TTC39B: variants seen among roughly 807,000 people sequenced by gnomAD.
TTC39B encodes the protein tetratricopeptide repeat domain 39B.
A neutral mutation model predicts 96.6 loss-of-function variants in TTC39B; 92 were observed. The observed-to-expected ratio is 0.95, with a 90% CI of 0.80 to 1.13. The LOEUF (loss-of-function observed/expected upper bound fraction) is 1.13, where lower values mean the gene tolerates loss of function less well. Ranked by LOEUF, TTC39B falls within the 50% of genes most tolerant of loss-of-function variation. TTC39B has a pLI of 0.00. For missense variants in TTC39B, 955 were observed against 809.3 expected, an observed-to-expected ratio of 1.18 and a Z score of -2.18; for synonymous variants, 367 against 299.4, an observed-to-expected ratio of 1.23 and a Z score of -2.33.
At chr9:15,298,319 G>C (rs1824455258) in intron 1 of TTC39B, among the ~76,000 whole-genome samples, 2 of 152,172 alleles carry the variant, frequency 1.3e-5, no homozygotes, top group African/African-American at 4.8e-5. Context: ...CTTGCAGACA[G>C]CATATGGTAG....
At chr9:15,201,938 G>T (rs1416403483) in intron 7 of TTC39B, among the ~76,000 whole-genome samples, 3 of 152,200 alleles carry the variant, frequency 2.0e-5, no homozygotes, top group African/African-American at 7.2e-5. Flanking sequence ...ACCCTCAACT[G>T]CAGAATAGGG....
At chr9:15,252,968 C>G (rs1026812464) in intron 2 of TTC39B, among the ~76,000 whole-genome samples, 1 of 152,172 alleles carries the variant, frequency 6.6e-6, no homozygotes, top group African/African-American at 2.4e-5. Context: ...ATAAAAGGAA[C>G]TTTTCGAAAA....
chr9:15,292,714 T>TA (rs1032916096), intron 1 of TTC39B, among the ~76,000 whole-genome samples: 1 of 152,088 alleles, frequency 6.6e-6, no homozygotes, highest in Non-Finnish European at 1.5e-5. Flanking sequence ...TCTTAGTTCT[T>TA]AAAAAAAGTT....
At chr9:15,207,660 G>T (rs1819941002) in intron 6 of TTC39B, among the ~76,000 whole-genome samples, 1 of 152,122 alleles carries the variant, frequency 6.6e-6, no homozygotes, top group African/African-American at 2.4e-5. Context: ...AACAAGGACA[G>T]TATATAGCAC....
exon 20 of TTC39B, chr9:15,171,629 G>A (rs1817663599): frequency 6.5e-6 from 1 of 153,118 alleles, no homozygotes; most frequent in Non-Finnish European, 1.5e-5. Context: ...TATCTCTGAA[G>A]TTTAACTACC....
At chr9:15,164,855 G>A (rs1221435085) in exon 20 of TTC39B, 1 of 152,112 alleles carries the variant, frequency 6.6e-6, no homozygotes, top group Non-Finnish European at 1.5e-5. Flanking sequence ...AAACACATAT[G>A]TTCTCCTTCT....
At chr9:15,305,757 A>C (rs1255263594) in intron 1 of TTC39B, among the ~76,000 whole-genome samples, 1 of 150,932 alleles carries the variant, frequency 6.6e-6, no homozygotes, top group Non-Finnish European at 1.5e-5. Context: ...AGTATCTCCG[A>C]AACAGTCCCA....
At chr9:15,298,528 G>A (rs550275592) in intron 1 of TTC39B, among the ~76,000 whole-genome samples, 4 of 152,190 alleles carry the variant, frequency 2.6e-5, no homozygotes, top group South Asian at 2.1e-4. Context: ...GAGTGTGTGC[G>A]GGGAAACTGC....
intron 8 of TTC39B, among the ~76,000 whole-genome samples, chr9:15,194,537 A>G (rs1278192036): frequency 6.6e-6 from 1 of 152,182 alleles, no homozygotes; most frequent in African/African-American, 2.4e-5. Context: ...TGATATGTAA[A>G]GGCATACCTT....
intron 2 of TTC39B, among the ~76,000 whole-genome samples, chr9:15,261,904 A>C (rs1253360082): frequency 2.6e-5 from 4 of 152,214 alleles, no homozygotes; most frequent in African/African-American, 9.6e-5. Context: ...CTCCGTCATC[A>C]GAGCACTAGA....
At chr9:15,195,532 C>T (rs746210784) in intron 8 of TTC39B, among the ~76,000 whole-genome samples, 4 of 151,662 alleles carry the variant, frequency 2.6e-5, no homozygotes, top group Non-Finnish European at 5.9e-5. Context: ...TAGCCAGGCA[C>T]GGTGGCGCAC....
intron 1 of TTC39B, among the ~76,000 whole-genome samples, chr9:15,284,154 G>A (rs1251581648): frequency 6.6e-6 from 1 of 152,206 alleles, no homozygotes; most frequent in African/African-American, 2.4e-5. Context: ...CTCGTACACT[G>A]AAGAAGAAAT....
At chr9:15,178,826 G>C (rs1159454439) in intron 17 of TTC39B, among the ~76,000 whole-genome samples, 1 of 152,142 alleles carries the variant, frequency 6.6e-6, no homozygotes, top group Non-Finnish European at 1.5e-5. Context: ...ATACAGGAGA[G>C]GATAACACTT....
chr9:15,167,013 TATATATATATATA>T (rs1817538212), exon 20 of TTC39B: 13 of 8,276 alleles, frequency 1.6e-3, no homozygotes, highest in African/African-American at 2.2e-3. Flanking sequence ...TATATATATA[TATATATATATATA>T]TATTTTTTTT....
chr9:15,212,501 C>G (rs1416366223), intron 4 of TTC39B, among the ~76,000 whole-genome samples: 1 of 152,234 alleles, frequency 6.6e-6, no homozygotes, highest in Non-Finnish European at 1.5e-5. Flanking sequence ...TCTCGGCTCA[C>G]CACAACCTCC....
In TTC39B at chr9:15,184,964, T is replaced by C. The variant is rs150005367; in HGVS notation, c.1614+316A>G. 8.6e-3 allele frequency among the ~76,000 whole-genome samples: 1,315 copies of C among 152,302 alleles called. 18 individuals are homozygous for C. Among genetic ancestry groups the C allele is most frequent in the African/African-American group, 0.03 (1,257 of 41,558 alleles). On this transcript the variant is annotated intron_variant, in intron 16 of 19. Coordinates refer to ENST00000512701, the Ensembl canonical transcript of TTC39B. ...GCATTAGAATTCAACTCAACTTCAA[T>C]GGAATCAACTTCTTTCTGTCTAAAT...
chr9:15,199,454 G>A (rs1166512560), intron 8 of TTC39B, among the ~76,000 whole-genome samples: 1 of 151,970 alleles, frequency 6.6e-6, no homozygotes, highest in African/African-American at 2.4e-5. Context: ...ATCCTAGTCA[G>A]GCCAGGCGCG....
At chr9:15,200,525 CA>C (rs1187114846) in intron 7 of TTC39B, among the ~76,000 whole-genome samples, 2 of 152,146 alleles carry the variant, frequency 1.3e-5, no homozygotes, top group African/African-American at 4.8e-5. Context: ...TGTCATCGAC[CA>C]TAAAATTGAG....
intron 17 of TTC39B, among the ~76,000 whole-genome samples, chr9:15,179,731 G>A (rs181169508): frequency 4.0e-4 from 61 of 152,198 alleles, no homozygotes; most frequent in Admixed American, 6.5e-4. Context: ...GCATTGTATC[G>A]ACAGTTTGTA....
Sources: allele counts gnomAD v4.1 joint callset (sites outside exome capture counted in the v4.1 genomes callset), GRCh38; gene constraint gnomAD v4.1.1; transcripts MANE v1.5; gene names NCBI Gene and HGNC (gene_info 2026-07-23, HGNC 2026-07-21).